The following PSMD11 variants were observed in gnomAD, a reference collection of about 807,000 sequenced individuals.
The protein encoded by PSMD11 is 26S proteasome non-ATPase regulatory subunit 11.
A neutral mutation model predicts 62.3 loss-of-function variants in PSMD11; 5 were observed. The ratio of observed to expected loss-of-function variants is 0.08; its 90% CI spans 0.04 to 0.17. The LOEUF (loss-of-function observed/expected upper bound fraction) is 0.17, where lower values mean the gene tolerates loss of function less well. PSMD11 is among the 10% of genes least tolerant of loss of function. PSMD11 has a pLI of 1.00. For synonymous variants in PSMD11, 191 were observed against 191.8 expected, an observed-to-expected ratio of 1.00 and a Z score of 0.03; for missense variants, 310 against 512.9, an observed-to-expected ratio of 0.60 and a Z score of 3.82.
At chr17:32,477,711 C>A in intron 9 of PSMD11, 128 bp downstream of exon 9, 1 of 723,962 alleles carries the variant, frequency 1.4e-6, no homozygotes, top group Non-Finnish European at 2.2e-6. Flanking sequence ...TATCCTTCAC[C>A]TAGGACAGTA....
At chr17:32,471,409 A>G (rs539312486) in intron 6 of PSMD11, among the ~76,000 whole-genome samples, 44 of 152,372 alleles carry the variant, frequency 2.9e-4, no homozygotes, top group Admixed American at 2.6e-3. Context: ...GCATTATGTG[A>G]AAGCTGTACA....
intron 4 of PSMD11, 102 bp downstream of exon 4, chr17:32,464,222 A>G (rs927068623): frequency 1.9e-6 from 2 of 1,080,766 alleles, no homozygotes; most frequent in Non-Finnish European, 2.8e-6. Context: ...CAACTTTGTA[A>G]TTACCTAGAT....
intron 8 of PSMD11, 56 bp from the exon 9 acceptor site, chr17:32,477,465 G>C: frequency 6.9e-7 from 1 of 1,455,744 alleles, no homozygotes; most frequent in Admixed American, 1.9e-5. Flanking sequence ...ATGAGACTTG[G>C]GTAAATGTTA....
intron 6 of PSMD11, among the ~76,000 whole-genome samples, chr17:32,471,727 AT>A (rs1415445530): frequency 6.6e-6 from 1 of 152,106 alleles, no homozygotes. Context: ...ATGGTACAGT[AT>A]GTGTTTTTCA....
intron 2 of PSMD11, chr17:32,447,263 T>A: frequency 2.2e-6 from 1 of 459,472 alleles, no homozygotes; most frequent in Non-Finnish European, 3.8e-6. Context: ...TTATTTTTGT[T>A]GGGATATAGT....
intron 5 of PSMD11, among the ~76,000 whole-genome samples, chr17:32,466,699 A>C (rs1181335629): frequency 6.6e-6 from 1 of 152,224 alleles, no homozygotes; most frequent in Non-Finnish European, 1.5e-5. Flanking sequence ...GTAACTGATT[A>C]GCTGTTTAAG....
intron 2 of PSMD11, among the ~76,000 whole-genome samples, chr17:32,448,822 T>G (rs1907405652): frequency 6.6e-6 from 1 of 152,228 alleles, no homozygotes; most frequent in Non-Finnish European, 1.5e-5. Flanking sequence ...TAATAACTGG[T>G]AGACCTAGGA....
chr17:32,448,548 T>G (rs1054198484), intron 2 of PSMD11, among the ~76,000 whole-genome samples: 1 of 151,854 alleles, frequency 6.6e-6, no homozygotes, highest in Non-Finnish European at 1.5e-5. Flanking sequence ...TGTATTTTTT[T>G]TTTTAGTAGA....
rs1362707962 is a variant in PSMD11 at position 32,479,905 on chromosome 17, A to G, written c.1074+19A>G. 1 of 1,610,638 alleles carries G rather than the reference A, an allele frequency of 6.2e-7. No homozygotes were observed. Among genetic ancestry groups the G allele is most frequent in the Non-Finnish European group, 8.5e-7 (1 of 1,176,866 alleles). On this transcript the variant is annotated intron_variant, in intron 11 of 13. Transcript: ENST00000261712. ...CTCCAAGGTAAGGAGTCTTAAGGCC[A>G]TCTGCAGGGAGGAATGGGACGGGGT...
chr17:32,478,309 G>T (rs1183501880), intron 9 of PSMD11, among the ~76,000 whole-genome samples: 1 of 152,196 alleles, frequency 6.6e-6, no homozygotes, highest in Non-Finnish European at 1.5e-5. Context: ...CTGTCCCTGA[G>T]ATTCACCATC....
chr17:32,451,260 G>A (rs1393016477), intron 2 of PSMD11, among the ~76,000 whole-genome samples: 1 of 152,222 alleles, frequency 6.6e-6, no homozygotes, highest in Non-Finnish European at 1.5e-5. Flanking sequence ...AAGGCACACT[G>A]CTTAGCTCAT....
At chr17:32,455,035 C>A (rs912640610) in intron 3 of PSMD11, among the ~76,000 whole-genome samples, 2 of 152,152 alleles carry the variant, frequency 1.3e-5, no homozygotes, top group African/African-American at 4.8e-5. Context: ...GAGCATCCAT[C>A]CATTTGTGTC....
intron 13 of PSMD11, 48 bp downstream of exon 13, chr17:32,480,679 C>G (rs141587003): frequency 6.2e-7 from 1 of 1,600,140 alleles, no homozygotes; most frequent in East Asian, 2.2e-5. Context: ...CTGTCTTCTG[C>G]GTGTCGAGAC....
chr17:32,465,685 A>G (rs1907972925), intron 5 of PSMD11, among the ~76,000 whole-genome samples: 1 of 152,050 alleles, frequency 6.6e-6, no homozygotes, highest in African/African-American at 2.4e-5. Flanking sequence ...AATTTCAGAA[A>G]GTTTTCAGCT....
chr17:32,461,514 T>G (rs1360356321), intron 3 of PSMD11, among the ~76,000 whole-genome samples: 1 of 148,534 alleles, frequency 6.7e-6, no homozygotes, highest in Non-Finnish European at 1.5e-5. Context: ...GAGGTTGCAG[T>G]GACCTGAGAT....
Position 32,444,631 on chromosome 17 carries a change from C to T in PSMD11, c.91+17C>T, listed in dbSNP as rs1252228344. The T allele has an allele frequency of 9.3e-6, 15 of 1,609,802 alleles. No homozygotes were observed. Among genetic ancestry groups the T allele is most frequent in the Non-Finnish European group, 1.3e-5 (15 of 1,178,844 alleles). ...ACTCCATCGGTAAAGGTCGCCGCGC[C>T]GCCTCCCCGGCCCCGCCGGCCCAGC... On this transcript the variant is annotated intron_variant, in intron 1 of 13. Coordinates refer to ENST00000261712, the MANE Select transcript of PSMD11 (RefSeq NM_002815.4).
At chr17:32,473,168 TAA>T (rs1908220959) in intron 6 of PSMD11, among the ~76,000 whole-genome samples, 3 of 149,680 alleles carry the variant, frequency 2.0e-5, no homozygotes, top group Admixed American at 2.0e-4. Flanking sequence ...AAAAAAAAAA[TAA>T]AGAGACAACA....
intron 6 of PSMD11, among the ~76,000 whole-genome samples, chr17:32,473,293 T>A (rs1391712732): frequency 1.3e-5 from 2 of 151,736 alleles, no homozygotes; most frequent in Non-Finnish European, 2.9e-5. Context: ...TTTTTTTTTT[T>A]GAGACGGAAG....
At chr17:32,455,631 T>C (rs1907626173) in intron 3 of PSMD11, among the ~76,000 whole-genome samples, 1 of 152,236 alleles carries the variant, frequency 6.6e-6, no homozygotes, top group African/African-American at 2.4e-5. Context: ...CTTTAATGAT[T>C]CTTTGAATCC....
Sources: allele counts gnomAD v4.1 joint callset (sites outside exome capture counted in the v4.1 genomes callset), GRCh38; gene constraint gnomAD v4.1.1; transcripts MANE v1.5; gene names NCBI Gene and HGNC (gene_info 2026-07-23, HGNC 2026-07-21).